The following LRP1B variants were observed in gnomAD, a reference collection of about 807,000 sequenced individuals.
LRP1B encodes low-density lipoprotein receptor-related protein 1B.
A neutral mutation model predicts 556.6 loss-of-function variants in LRP1B; 217 were observed. The observed-to-expected ratio is 0.39, with a 90% CI of 0.35 to 0.44. The LOEUF is 0.44. LRP1B is among the 20% of genes least tolerant of loss of function. The pLI is 1.00. For synonymous variants in LRP1B, 2,047 were observed against 1,865.8 expected, an observed-to-expected ratio of 1.10 and a Z score of -2.50; for missense variants, 5,053 against 5,620.8, an observed-to-expected ratio of 0.90 and a Z score of 3.23.
At chr2:140,603,211 G>C (rs1342504492) in intron 41 of LRP1B, among the ~76,000 whole-genome samples, 1 of 151,992 alleles carries the variant, frequency 6.6e-6, no homozygotes, top group African/African-American at 2.4e-5. Context: ...AGGGTGATTA[G>C]TATGAAAATG....
intron 31 of LRP1B, among the ~76,000 whole-genome samples, chr2:140,834,310 G>C (rs1413713150): frequency 6.6e-6 from 1 of 152,162 alleles, no homozygotes; most frequent in Non-Finnish European, 1.5e-5. Context: ...CACGATCTCG[G>C]CTCATTGCAA....
At chr2:141,577,643 C>A (rs1255541969) in intron 2 of LRP1B, among the ~76,000 whole-genome samples, 1 of 152,124 alleles carries the variant, frequency 6.6e-6, no homozygotes, top group Non-Finnish European at 1.5e-5. Flanking sequence ...CTATAGGATT[C>A]TATGATTCTT....
intron 84 of LRP1B, among the ~76,000 whole-genome samples, chr2:140,291,318 A>ATATATTTTTTTTTTT (rs369391920): frequency 2.7e-5 from 3 of 109,322 alleles, no homozygotes; most frequent in East Asian, 5.4e-4. Flanking sequence ...ATATATATAT[A>ATATATTTTTTTTTTT]TTTTTATTAT....
intron 24 of LRP1B, 129 bp downstream of exon 24, chr2:140,886,009 A>T: frequency 1.7e-6 from 1 of 585,804 alleles, no homozygotes; most frequent in East Asian, 2.9e-5. Flanking sequence ...CTGATTTTAC[A>T]TATATGAGGG....
chr2:140,920,102 A>G (rs1170301383), intron 21 of LRP1B, among the ~76,000 whole-genome samples: 1 of 152,038 alleles, frequency 6.6e-6, no homozygotes, highest in Non-Finnish European at 1.5e-5. Context: ...TGCGATCACT[A>G]TGAAGAAAGG....
rs992552818 is a variant in LRP1B at position 140,541,854 on chromosome 2, C to T, written c.7312G>A (p.Asp2438Asn). 1 of 1,612,852 alleles carries T rather than the reference C, an allele frequency of 6.2e-7. No individual in the cohort carries two copies. Among genetic ancestry groups the T allele is most frequent in the Admixed American group, 1.7e-5 (1 of 59,926 alleles). The change falls in exon 44 of 91, where the codon GAT (aspartate) becomes AAT (asparagine). Residue 2438 changes from aspartate (D) to asparagine (N), a missense_variant. This residue lies in a region of LRP1B where 3,619 missense variants were observed against 3,931.9 expected (regional missense o/e 0.92). Transcript: ENST00000389484. ...ILRSNKYTGG[D>N]TKILRSDIPH... Reference sequence around the variant, plus strand: ...ATATCGGAACGAAGAATTTTTGTATCTCCTCCTGTGTACTTGTTGGACCGC... The same window carrying T: ...ATATCGGAACGAAGAATTTTTGTATTTCCTCCTGTGTACTTGTTGGACCGC...
chr2:141,186,575 A>G (rs1270745687), intron 7 of LRP1B, among the ~76,000 whole-genome samples: 5 of 152,120 alleles, frequency 3.3e-5, no homozygotes, highest in African/African-American at 1.2e-4. Flanking sequence ...GATTAAAAAC[A>G]GTGCTATAGA....
intron 2 of LRP1B, among the ~76,000 whole-genome samples, chr2:141,772,682 T>C (rs1007087103): frequency 6.6e-6 from 1 of 152,134 alleles, no homozygotes; most frequent in African/African-American, 2.4e-5. Flanking sequence ...GTTTGAATAA[T>C]CCCCAGTCTC....
At chr2:141,918,732 T>C (rs572052677) in intron 1 of LRP1B, among the ~76,000 whole-genome samples, 2 of 152,122 alleles carry the variant, frequency 1.3e-5, no homozygotes, top group Non-Finnish European at 2.9e-5. Context: ...ATATAGAAAA[T>C]AGCCAGGATA....
intron 41 of LRP1B, among the ~76,000 whole-genome samples, chr2:140,616,577 C>A (rs1438085045): frequency 6.7e-6 from 1 of 150,156 alleles, no homozygotes; most frequent in African/African-American, 2.4e-5. Context: ...ACTGCACATA[C>A]TAAAGCCTAA....
chr2:140,987,892 G>A (rs561659105), intron 17 of LRP1B, among the ~76,000 whole-genome samples: 1 of 152,184 alleles, frequency 6.6e-6, no homozygotes, highest in Non-Finnish European at 1.5e-5. Context: ...GCTGAGGCAT[G>A]AGAATTGCTT....
intron 1 of LRP1B, among the ~76,000 whole-genome samples, chr2:141,878,474 CATTAA>C (rs985429551): frequency 6.6e-6 from 1 of 151,140 alleles, no homozygotes; most frequent in Non-Finnish European, 1.5e-5. Context: ...AACAGGACCA[CATTAA>C]ATTAATCAAA....
chr2:140,469,018 A>G (rs1489197112), intron 60 of LRP1B, among the ~76,000 whole-genome samples: 1 of 152,186 alleles, frequency 6.6e-6, no homozygotes, highest in African/African-American at 2.4e-5. Flanking sequence ...AAGACTATAG[A>G]CTTTTGAGTT....
At chr2:141,820,983 C>G (rs1177622126) in intron 1 of LRP1B, among the ~76,000 whole-genome samples, 1 of 152,108 alleles carries the variant, frequency 6.6e-6, no homozygotes, top group Non-Finnish European at 1.5e-5. Flanking sequence ...CCTAGTGGGC[C>G]CAATATCATC....
intron 2 of LRP1B, among the ~76,000 whole-genome samples, chr2:141,787,650 T>G (rs984239961): frequency 1.1e-4 from 16 of 151,932 alleles, no homozygotes; most frequent in African/African-American, 3.9e-4. Context: ...TTCTAACTCT[T>G]GATTTACTTG....
chr2:141,241,113 G>A (rs539048310), intron 5 of LRP1B, among the ~76,000 whole-genome samples: 1 of 152,094 alleles, frequency 6.6e-6, no homozygotes, highest in Admixed American at 6.6e-5. Flanking sequence ...GTTTGGAGAG[G>A]GAAAAAAAGT....
chr2:141,981,391 A>G (rs761651551), intron 1 of LRP1B, among the ~76,000 whole-genome samples: 5 of 152,138 alleles, frequency 3.3e-5, no homozygotes, highest in Admixed American at 6.6e-5. Flanking sequence ...CAGTAATTGC[A>G]TAATTCCTGG....
chr2:141,710,972 C>T (rs1692335387), intron 2 of LRP1B, among the ~76,000 whole-genome samples: 1 of 152,052 alleles, frequency 6.6e-6, no homozygotes, highest in Non-Finnish European at 1.5e-5. Flanking sequence ...TTATTTGTTC[C>T]AGGAGTAACC....
intron 66 of LRP1B, among the ~76,000 whole-genome samples, chr2:140,415,779 ACT>A (rs1477556137): frequency 1.4e-4 from 20 of 145,640 alleles, no homozygotes; most frequent in Admixed American, 1.0e-3. Context: ...CCCATTCCTA[ACT>A]CTCTTGTCTT....
Sources: gnomAD v4.1 joint callset for allele counts (sites outside exome capture counted in the v4.1 genomes callset) on GRCh38, gnomAD v4.1.1 for gene constraint, gnomAD v4.1.1 regional missense constraint, MANE v1.5 for transcripts, NCBI Gene and HGNC (gene_info 2026-07-23, HGNC 2026-07-21) for gene names.